The following KCNIP2 variants were observed in gnomAD, a reference collection of about 807,000 sequenced individuals.
KCNIP2 encodes A-type potassium channel modulatory protein KCNIP2.
KCNIP2 carries 19 observed loss-of-function variants against 39.0 expected under a neutral mutation model. The ratio of observed to expected loss-of-function variants is 0.49; its 90% CI spans 0.34 to 0.71. KCNIP2 has a LOEUF of 0.71. KCNIP2 is among the 30% of genes least tolerant of loss of function. The probability of loss-of-function intolerance (pLI) is 0.01; values close to 1 mark genes in which losing one functional copy is unlikely to be tolerated. For synonymous variants in KCNIP2, 111 were observed against 131.2 expected (o/e 0.85, Z 1.05); for missense variants, 261 against 346.0 (o/e 0.75, Z 1.95).
chr10:101,839,921 C>T (rs2066274970), intron 1 of KCNIP2: 2 of 1,406,494 alleles, frequency 1.4e-6, no homozygotes, highest in African/African-American at 1.5e-5. Context: ...CGGGTAGGCC[C>T]GCGTGGGCGG....
chr10:101,827,554 C>A, intron 9 of KCNIP2, 135 bp downstream of exon 9: 1 of 1,300,754 alleles, frequency 7.7e-7, no homozygotes, highest in Non-Finnish European at 1.1e-6. Context: ...AAGGGGTAAG[C>A]CTCCCACAAA....
chr10:101,840,685 T>C (rs980223468), intron 1 of KCNIP2, among the ~76,000 whole-genome samples: 1 of 152,052 alleles, frequency 6.6e-6, no homozygotes, highest in Non-Finnish European at 1.5e-5. Flanking sequence ...GGGAGAGATA[T>C]AGTCCCGCTC....
Position 101,828,881 on chromosome 10 carries a change from C to T in KCNIP2, c.349-185G>A, listed in dbSNP as rs753899006. 9 of 1,543,856 alleles carry T rather than the reference C, an allele frequency of 5.8e-6. No homozygotes were observed. The highest frequency in any genetic ancestry group is 2.7e-5 in the African/African-American group (2 of 72,944). ...CAGTGCACAAATAAAAAACATGGAA[C>T]GAAACTGACAGTCTACAGGCGCCAC... On this transcript the variant is annotated intron_variant, in intron 4 of 9. Coordinates refer to ENST00000356640, the MANE Select transcript of KCNIP2 (RefSeq NM_173191.3). The surrounding 1 kb of genome is among the most constrained non-coding windows in gnomAD (Gnocchi z 6.6).
rs1486019728 is a variant in KCNIP2, at chr10:101,828,162, T to C, written c.586A>G (p.Ile196Val). The change falls in exon 7 of 10, where the codon ATC (isoleucine) becomes GTC (valine). Residue 196 changes from isoleucine to valine, a missense_variant. Physicochemically the swap from Ile to Val is conservative, Grantham distance 29 (BLOSUM62 3). Transcript: ENST00000356640. This position sits in a 1 kb window ranked among gnomAD's most constrained non-coding sequence, Gnocchi z 6.6. ...CAGTTGCCCTGCACCTCCTTGGTGATGCAGCCGTCCTTGTTAAGGTCATAC... is the reference window on the plus strand; with the variant it reads ...CAGTTGCCCTGCACCTCCTTGGTGACGCAGCCGTCCTTGTTAAGGTCATAC... ...NLYDLNKDGC[I>V]TKEEMLDIMK... The C allele has an allele frequency of 1.9e-6, 3 of 1,613,958 alleles. No homozygotes were observed. The South Asian group carries it at 3.3e-5, about 18-fold the overall frequency.
Position 101,831,068 on chromosome 10 carries a change from T to C in KCNIP2, c.169+4A>G. On this transcript the variant is annotated splice_donor_region_variant and intron_variant, in intron 2 of 9. Transcript: ENST00000356640. ...GCCCCCGGAAGCACATGAGAGGCAC[T>C]TGCTTTCACTGACTGAGGGCAGGGC... 1.2e-6 allele frequency: 2 copies of C among 1,612,936 alleles called. No individual in the cohort carries two copies. Among genetic ancestry groups the C allele is most frequent in the Non-Finnish European group, 1.7e-6 (2 of 1,179,462 alleles).
At position 101,843,432 on chromosome 10, in the gene KCNIP2, G is replaced by A; in HGVS notation, c.73+64C>T. 1 of 1,123,698 alleles carries A rather than the reference G, an allele frequency of 8.9e-7. No homozygotes were observed. The highest frequency in any genetic ancestry group is 1.2e-6 in the Non-Finnish European group (1 of 817,884). The allele number at this position is 1,123,698 out of a possible 1,614,324, so 69.6% of individuals were successfully genotyped here. Reference sequence around the variant, plus strand: ...GTGCGGGCCAGGCCGGGGTCGGAGAGGCGGAAGGGTCTGGAGGAATGGAAT... The same window carrying A: ...GTGCGGGCCAGGCCGGGGTCGGAGAAGCGGAAGGGTCTGGAGGAATGGAAT... On this transcript the variant is annotated intron_variant, in intron 1 of 9. Transcript: ENST00000356640. This position sits in a 1 kb window ranked among gnomAD's most constrained non-coding sequence, Gnocchi z 6.7.
At position 101,827,420 on chromosome 10, in the gene KCNIP2, G is replaced by A. The variant is rs772944014; in HGVS notation, c.766-20C>T. 13 of 1,597,738 alleles carry A rather than the reference G, an allele frequency of 8.1e-6. No homozygotes were observed. The highest frequency in any genetic ancestry group is 5.5e-5 in the South Asian group (5 of 90,320). ...CTCATCCTGTGGCCATGATGTGAGC[G>A]AGGCAGATTGAAGAGAGAGAAAGAG... On this transcript the variant is annotated intron_variant, in intron 9 of 9. Coordinates refer to ENST00000356640, the MANE Select transcript of KCNIP2 (RefSeq NM_173191.3).
intron 2 of KCNIP2, chr10:101,830,472 C>T: frequency 5.5e-6 from 7 of 1,279,588 alleles, no homozygotes; most frequent in South Asian, 1.3e-5. Context: ...CTACACAGGC[C>T]GCCACAGCTA....
rs966290044 is a variant in KCNIP2 at position 101,827,489 on chromosome 10, C to T, written c.766-89G>A. 48 of 1,434,202 alleles carry T rather than the reference C, an allele frequency of 3.3e-5. No individual in the cohort carries two copies. The African/African-American group carries it at 3.5e-4, about 10-fold the overall frequency. The allele number at this position is 1,434,202 out of a possible 1,614,324, so 88.8% of individuals were successfully genotyped here. A position where few individuals can be genotyped will look rare whatever the true frequency, so the allele number is the denominator to read the frequency against. The stretch of plus-strand genomic sequence containing the variant: ...AGTGAGAGGGACACTGAGTCACAGA[C>T]GGGGACATTCAAAAGCACAGAGGAA... On this transcript the variant is annotated intron_variant, in intron 9 of 9. Coordinates refer to ENST00000356640, the MANE Select transcript of KCNIP2 (RefSeq NM_173191.3).
chr10:101,833,000 C>A (rs2135168996), intron 1 of KCNIP2, among the ~76,000 whole-genome samples: 1 of 152,318 alleles, frequency 6.6e-6, no homozygotes, highest in East Asian at 1.9e-4. Flanking sequence ...CCACTCCACC[C>A]CAATAAATGC....
chr10:101,839,524 C>T (rs1051395322), intron 1 of KCNIP2, among the ~76,000 whole-genome samples: 2 of 152,064 alleles, frequency 1.3e-5, no homozygotes, highest in Admixed American at 6.5e-5. Context: ...GACCTTGATG[C>T]CCCTCTCCTT....
At position 101,828,773 on chromosome 10, in the gene KCNIP2, A is replaced by G; in HGVS notation, c.349-77T>C. 6.2e-7 allele frequency: 1 copy of G among 1,612,036 alleles called. No homozygotes were observed. The highest frequency in any genetic ancestry group is 8.5e-7 in the Non-Finnish European group (1 of 1,178,858). On this transcript the variant is annotated intron_variant, in intron 4 of 9. Coordinates refer to ENST00000356640, the MANE Select transcript of KCNIP2 (RefSeq NM_173191.3). This position sits in a 1 kb window ranked among gnomAD's most constrained non-coding sequence, Gnocchi z 6.6. ...CACCGCCCCCACCCTCCATGGCCCA[A>G]GACTCCCAGGGAGGGGGATAATCTT...
intron 1 of KCNIP2, among the ~76,000 whole-genome samples, chr10:101,841,741 C>CT (rs1432493446): frequency 1.3e-5 from 2 of 152,196 alleles, no homozygotes; most frequent in Non-Finnish European, 2.9e-5. Flanking sequence ...AATACAAATG[C>CT]TTCCCCCACC....
At position 101,840,067 on chromosome 10, in the gene KCNIP2, G is replaced by C. The variant is rs1002150886; in HGVS notation, c.73+3429C>G. ...CCCAAAGTTCCTGGACGGGGGGGGG[G>C]GGTGGCGGGGAGGGGCGGCGCGGAC... On this transcript the variant is annotated intron_variant, in intron 1 of 9. Transcript: ENST00000356640. 1.2e-3 allele frequency among the ~76,000 whole-genome samples: 179 copies of C among 151,874 alleles called. 1 individual carries two copies. The highest frequency in any genetic ancestry group is 4.1e-3 in the African/African-American group (171 of 41,390).
chr10:101,838,022 G>A lies in KCNIP2; in HGVS notation c.73+5474C>T, dbSNP rs2066215902. ...TTGACCCAGCCTTGCCAGGACTCATGGTCCTAAATCAGCCAGGCATCCTGT... is the reference window on the plus strand; with the variant it reads ...TTGACCCAGCCTTGCCAGGACTCATAGTCCTAAATCAGCCAGGCATCCTGT... On this transcript the variant is annotated intron_variant, in intron 1 of 9. Coordinates refer to ENST00000356640, the MANE Select transcript of KCNIP2 (RefSeq NM_173191.3). This position sits in a 1 kb window ranked among gnomAD's most constrained non-coding sequence, Gnocchi z 4.0. Among the ~76,000 whole-genome samples the A allele has an allele frequency of 6.6e-6, 1 of 152,148 alleles. No homozygotes were observed. The highest frequency in any genetic ancestry group is 2.4e-5 in the African/African-American group (1 of 41,424).
At chr10:101,841,743 T>A (rs1265129092) in intron 1 of KCNIP2, among the ~76,000 whole-genome samples, 1 of 152,046 alleles carries the variant, frequency 6.6e-6, no homozygotes, top group Non-Finnish European at 1.5e-5. Context: ...TACAAATGCT[T>A]CCCCCACCCA....
At chr10:101,840,478 C>T (rs2066296303) in intron 1 of KCNIP2, among the ~76,000 whole-genome samples, 1 of 150,898 alleles carries the variant, frequency 6.6e-6, no homozygotes, top group Admixed American at 6.6e-5. Flanking sequence ...GTGTTTGTCT[C>T]GGTGCGGCAG....
chr10:101,831,450 C>T (rs547642470), intron 1 of KCNIP2, among the ~76,000 whole-genome samples: 85 of 152,242 alleles, frequency 5.6e-4, no homozygotes, highest in African/African-American at 2.0e-3. Flanking sequence ...ACCTAGTACC[C>T]TTGGCTCAAG....
intron 1 of KCNIP2, among the ~76,000 whole-genome samples, chr10:101,842,730 A>G (rs1176779497): frequency 3.3e-5 from 5 of 152,144 alleles, no homozygotes; most frequent in African/African-American, 4.8e-5. Flanking sequence ...GGGGTGTACT[A>G]AAGACCCCTA....
Sources: allele counts gnomAD v4.1 joint callset (sites outside exome capture counted in the v4.1 genomes callset), GRCh38; gene constraint gnomAD v4.1.1; non-coding constraint Gnocchi (gnomAD v3.1); transcripts MANE v1.5; gene names NCBI Gene and HGNC (gene_info 2026-07-23, HGNC 2026-07-21).